The following TENM2 variants were observed in gnomAD, a reference collection of about 807,000 sequenced individuals.
TENM2 encodes the protein teneurin transmembrane protein 2, also known as teneurin-2.
In TENM2, 52 loss-of-function variants were observed where a neutral mutation model predicts 245.2. That is an observed-to-expected ratio of 0.21 (90% CI 0.17 to 0.27). The LOEUF (loss-of-function observed/expected upper bound fraction) is 0.27. Ranked by LOEUF, TENM2 falls within the 10% of genes least tolerant of loss-of-function variation. The pLI is 1.00. For synonymous variants in TENM2, 1,363 were observed against 1,438.9 expected (o/e 0.95, Z 1.19); for missense variants, 3,046 against 3,666.8 (o/e 0.83, Z 4.37).
chr5:167,591,026 G>GGTTA (rs1775843939), intron 2 of TENM2, among the ~76,000 whole-genome samples: 1 of 152,122 alleles, frequency 6.6e-6, no homozygotes, highest in Non-Finnish European at 1.5e-5. Context: ...GATCTAATAT[G>GGTTA]GTTGGTCTTT....
the TENM2 span, among the ~76,000 whole-genome samples, chr5:167,153,098 T>TACACAC: frequency 4.1e-3 from 607 of 147,446 alleles, 4 homozygotes; most frequent in African/African-American, 0.014. Context: ...AATGAATACA[T>TACACAC]ACACACACAC....
intron 5 of TENM2, 120 bp from the exon 8 acceptor site, chr5:168,047,307 C>T (rs1250630355): frequency 3.3e-6 from 4 of 1,198,792 alleles, no homozygotes; most frequent in South Asian, 1.4e-5. Flanking sequence ...TGGGGCAAGC[C>T]ATTTTTGACG....
intron 19 of TENM2, among the ~76,000 whole-genome samples, chr5:168,206,607 G>A (rs970474800): frequency 6.6e-6 from 1 of 152,196 alleles, no homozygotes; most frequent in Non-Finnish European, 1.5e-5. Flanking sequence ...AGGCCAGGTA[G>A]CCCTCACGCT....
intron 2 of TENM2, among the ~76,000 whole-genome samples, chr5:167,776,304 A>G (rs77722791): frequency 0.02 from 3,028 of 151,962 alleles, 91 homozygotes; most frequent in African/African-American, 0.07. Flanking sequence ...TAACTTAAAT[A>G]TAGAAAAATA....
At chr5:167,317,274 T>A (rs1756419765) in intron 1 of TENM2, among the ~76,000 whole-genome samples, 1 of 152,144 alleles carries the variant, frequency 6.6e-6, no homozygotes, top group South Asian at 2.1e-4. Flanking sequence ...ATCAATTGAT[T>A]TTATATTTAA....
chr5:167,978,844 C>T (rs77609307), intron 4 of TENM2, among the ~76,000 whole-genome samples: 13,714 of 152,004 alleles, frequency 0.09, 971 homozygotes, highest in Non-Finnish European at 0.13. Context: ...AGAAAATAGC[C>T]GGAGGATCAG....
intron 2 of TENM2, among the ~76,000 whole-genome samples, chr5:167,492,072 T>C (rs1490776261): frequency 1.3e-5 from 2 of 152,184 alleles, no homozygotes; most frequent in African/African-American, 4.8e-5. Context: ...GTAAAACTTA[T>C]TGCTCTATGT....
intron 2 of TENM2, among the ~76,000 whole-genome samples, chr5:167,400,684 C>T (rs917901033): frequency 6.6e-6 from 1 of 152,006 alleles, no homozygotes. Flanking sequence ...CCTAGAAATG[C>T]TCCCTTTTAG....
At chr5:167,677,685 T>C (rs1405852277) in intron 2 of TENM2, among the ~76,000 whole-genome samples, 1 of 150,216 alleles carries the variant, frequency 6.7e-6, no homozygotes, top group African/African-American at 2.4e-5. Context: ...TTCCAAAATA[T>C]GGTTTATATA....
At chr5:167,613,957 G>A (rs1321748780) in intron 2 of TENM2, among the ~76,000 whole-genome samples, 1 of 152,052 alleles carries the variant, frequency 6.6e-6, no homozygotes, top group Non-Finnish European at 1.5e-5. Context: ...CTTGGCTTTA[G>A]TATATAGAAA....
the TENM2 span, among the ~76,000 whole-genome samples, chr5:167,024,178 G>A: frequency 1.3e-5 from 2 of 152,102 alleles, no homozygotes; most frequent in Non-Finnish European, 1.5e-5. Context: ...AGTGTTAATC[G>A]AGTCTCTCAT....
intron 2 of TENM2, among the ~76,000 whole-genome samples, chr5:167,527,516 C>G (rs1771205818): frequency 6.6e-6 from 1 of 152,084 alleles, no homozygotes; most frequent in African/African-American, 2.4e-5. Flanking sequence ...TGCCCTAGCC[C>G]TTGTCCCCCT....
At chr5:167,467,126 A>G (rs1254700953) in intron 2 of TENM2, among the ~76,000 whole-genome samples, 1 of 152,082 alleles carries the variant, frequency 6.6e-6, no homozygotes, top group Non-Finnish European at 1.5e-5. Context: ...AATCTCCATA[A>G]TCCCCAAGTG....
chr5:167,255,735 T>C, the TENM2 span, among the ~76,000 whole-genome samples: 1 of 152,148 alleles, frequency 6.6e-6, no homozygotes, highest in Non-Finnish European at 1.5e-5. Flanking sequence ...AAATATAAAA[T>C]CCTCAAATAG....
At chr5:167,689,062 GTTATT>G (rs1184167245) in intron 2 of TENM2, among the ~76,000 whole-genome samples, 1 of 152,094 alleles carries the variant, frequency 6.6e-6, no homozygotes, top group African/African-American at 2.4e-5. Context: ...GAAAAACGTT[GTTATT>G]TTGAGTCTTC....
At position 167,425,797 on chromosome 5, in the gene TENM2, A is replaced by G. The variant is rs190093875; in HGVS notation, c.502+50324A>G. On this transcript the variant is annotated intron_variant, in intron 2 of 28. Coordinates refer to ENST00000518659, the Ensembl canonical transcript of TENM2. ...GATGATGGTGAAGATGATGACACCT[A>G]TTTCATGGGGCTGTTGTGAAAATTG... is the stretch of plus-strand genomic sequence containing the variant. Among the ~76,000 whole-genome samples, 480 of 152,208 alleles carry G rather than the reference A, an allele frequency of 3.2e-3. 1 individual carries two copies. Among genetic ancestry groups the G allele is most frequent in the African/African-American group, 0.011 (465 of 41,522 alleles).
intron 25 of TENM2, chr5:168,231,201 T>C (rs572891031): frequency 6.6e-6 from 1 of 152,126 alleles, no homozygotes; most frequent in South Asian, 2.1e-4. Context: ...AAATGTTGTC[T>C]TTTCTGAGTG....
At position 167,295,020 on chromosome 5, in the gene TENM2, A is replaced by G. The variant is rs549770908; in HGVS notation, c.226+9957A>G. On this transcript the variant is annotated intron_variant, in intron 1 of 28. Transcript: ENST00000518659. ...TGTTATTGTTGTTATTATTCTCTTG[A>G]TGAGTGACTCAGCATACATAGCACA... 4.7e-4 allele frequency among the ~76,000 whole-genome samples: 72 copies of G among 152,220 alleles called. No homozygotes were observed. The South Asian group carries it at 0.014, about 30-fold the overall frequency.
At chr5:167,129,670 A>G in the TENM2 span, among the ~76,000 whole-genome samples, 1 of 152,180 alleles carries the variant, frequency 6.6e-6, no homozygotes, top group South Asian at 2.1e-4. Context: ...GATGCATGGG[A>G]AAATACTTAG....
Sources: allele counts gnomAD v4.1 joint callset (sites outside exome capture counted in the v4.1 genomes callset), GRCh38; gene constraint gnomAD v4.1.1; transcripts MANE v1.5; gene names NCBI Gene and HGNC (gene_info 2026-07-23, HGNC 2026-07-21).